Variants in ATP8A1 observed in about 807,000 individuals in gnomAD.
ATP8A1 encodes the protein ATPase phospholipid transporting 8A1.
Under a neutral mutation model 177.7 loss-of-function variants are expected in ATP8A1, and 90 were observed. That is an observed-to-expected ratio of 0.51 (90% CI 0.43 to 0.60). The LOEUF (loss-of-function observed/expected upper bound fraction) is 0.60. ATP8A1 is among the 20% of genes least tolerant of loss of function. ATP8A1 has a pLI of 0.00. For synonymous variants in ATP8A1, 493 were observed against 485.9 expected, an observed-to-expected ratio of 1.01 and a Z score of -0.19; for missense variants, 1,072 against 1,392.8, an observed-to-expected ratio of 0.77 and a Z score of 3.67.
intron 12 of ATP8A1, among the ~76,000 whole-genome samples, chr4:42,577,548 A>G (rs1577628375): frequency 6.6e-6 from 1 of 152,330 alleles, no homozygotes; most frequent in African/African-American, 2.4e-5. Context: ...TCAAAATAAA[A>G]GAAAAATTAA....
chr4:42,486,792 C>G (rs1031051940), intron 24 of ATP8A1, among the ~76,000 whole-genome samples: 1 of 152,172 alleles, frequency 6.6e-6, no homozygotes, highest in Non-Finnish European at 1.5e-5. Context: ...TTACAACCGC[C>G]TACAGTATTC....
rs137923120 is a variant in ATP8A1 at position 42,461,555 on chromosome 4, G to A, written c.2619+3135C>T. On this transcript the variant is annotated intron_variant, in intron 27 of 36. Transcript: ENST00000381668. ...CCTTGCCTTCCATCATGATTGTGAG[G>A]CATCCCCAGCCATGTGGAACTGTAA... Among the ~76,000 whole-genome samples the A allele has an allele frequency of 3.3e-5, 5 of 152,258 alleles. No individual in the cohort carries two copies. The East Asian group carries it at 9.6e-4, about 29-fold the overall frequency.
At chr4:42,643,185 T>C (rs1327216738) in intron 1 of ATP8A1, among the ~76,000 whole-genome samples, 3 of 152,142 alleles carry the variant, frequency 2.0e-5, no homozygotes, top group Non-Finnish European at 4.4e-5. Context: ...ATACCTAAAA[T>C]TCATAGCAAT....
intron 5 of ATP8A1, among the ~76,000 whole-genome samples, chr4:42,615,302 TATAAAA>T (rs1264772720): frequency 2.6e-5 from 4 of 152,130 alleles, no homozygotes; most frequent in Non-Finnish European, 5.9e-5. Flanking sequence ...ATATCAGCAG[TATAAAA>T]ATAGTCTTCC....
At chr4:42,562,645 T>C (rs1730955253) in intron 15 of ATP8A1, among the ~76,000 whole-genome samples, 1 of 152,224 alleles carries the variant, frequency 6.6e-6, no homozygotes, top group Non-Finnish European at 1.5e-5. Context: ...TTTGGCTGTG[T>C]TCCCACCCAA....
At chr4:42,416,092 G>A (rs1217079385) in intron 35 of ATP8A1, among the ~76,000 whole-genome samples, 1 of 152,174 alleles carries the variant, frequency 6.6e-6, no homozygotes, top group East Asian at 1.9e-4. Flanking sequence ...AAACAGATAT[G>A]AGAAATGAGA....
intron 22 of ATP8A1, among the ~76,000 whole-genome samples, chr4:42,518,712 G>A (rs1345637111): frequency 2.0e-5 from 3 of 152,140 alleles, no homozygotes; most frequent in African/African-American, 7.2e-5. Context: ...TATGGTCTAC[G>A]TAAAAATAGA....
chr4:42,459,935 G>A (rs1718916547), intron 27 of ATP8A1, among the ~76,000 whole-genome samples: 1 of 152,044 alleles, frequency 6.6e-6, no homozygotes, highest in Non-Finnish European at 1.5e-5. Flanking sequence ...GGGACTACAG[G>A]CGCCTGCCAC....
chr4:42,570,318 TTGTGGG>T, intron 14 of ATP8A1, among the ~76,000 whole-genome samples: 1 of 152,310 alleles, frequency 6.6e-6, no homozygotes, highest in East Asian at 1.9e-4. Context: ...ATCAAGCCCT[TTGTGGG>T]CTGGACTCCA....
intron 33 of ATP8A1, among the ~76,000 whole-genome samples, chr4:42,435,426 C>CAAAAAAAAAAAAAAAAAAAAAAAA (rs55945370): frequency 1.1e-5 from 1 of 93,988 alleles, no homozygotes; most frequent in African/African-American, 3.7e-5. Context: ...GACTTCATCT[C>CAAAAAAAAAAAAAAAAAAAAAAAA]AAAAAAAAAA....
intron 20 of ATP8A1, among the ~76,000 whole-genome samples, chr4:42,537,128 G>A (rs1304237632): frequency 7.3e-4 from 97 of 133,476 alleles, no homozygotes; most frequent in Non-Finnish European, 1.2e-3. Flanking sequence ...GCGAAACTCC[G>A]TCTCAAAAAA....
chr4:42,432,268 A>G (rs2153171048), intron 33 of ATP8A1, among the ~76,000 whole-genome samples: 1 of 152,274 alleles, frequency 6.6e-6, no homozygotes, highest in Middle Eastern at 3.4e-3. Flanking sequence ...TACAGCAAAG[A>G]TACTCTAGAG....
At chr4:42,419,940 T>G (rs1713683369) in intron 35 of ATP8A1, among the ~76,000 whole-genome samples, 1 of 151,946 alleles carries the variant, frequency 6.6e-6, no homozygotes, top group Admixed American at 6.6e-5. Context: ...GAGGCAGAGG[T>G]TGCAGTGAGC....
chr4:42,523,602 A>G (rs1726367423), intron 21 of ATP8A1, among the ~76,000 whole-genome samples: 2 of 152,262 alleles, frequency 1.3e-5, no homozygotes, highest in South Asian at 4.2e-4. Context: ...GAGAAGTGTC[A>G]TCCAGCCCAG....
At chr4:42,479,980 T>C (rs2153187827) in intron 25 of ATP8A1, among the ~76,000 whole-genome samples, 1 of 137,030 alleles carries the variant, frequency 7.3e-6, no homozygotes, top group Non-Finnish European at 1.6e-5. Flanking sequence ...TAGAATTATG[T>C]AATCTGCAGT....
At chr4:42,448,401 C>CTTTTTTTTTTTTTTTT (rs1226963744) in intron 30 of ATP8A1, among the ~76,000 whole-genome samples, 3,432 of 98,960 alleles carry the variant, frequency 0.035, 36 homozygotes, top group East Asian at 0.052. Context: ...TCTTTCTTTT[C>CTTTTTTTTTTTTTTTT]TTTTTTTTTT....
At chr4:42,599,858 C>G (rs1480425467) in intron 6 of ATP8A1, among the ~76,000 whole-genome samples, 1 of 152,184 alleles carries the variant, frequency 6.6e-6, no homozygotes, top group African/African-American at 2.4e-5. Flanking sequence ...TTTAAACCTT[C>G]TTCCAGAACT....
chr4:42,470,878 A>G (rs980539988), intron 25 of ATP8A1, among the ~76,000 whole-genome samples: 4 of 152,198 alleles, frequency 2.6e-5, no homozygotes, highest in Admixed American at 1.3e-4. Flanking sequence ...TTTCTTTGCA[A>G]CAAACTTCCT....
rs1217769665 is a variant in ATP8A1 at position 42,416,712 on chromosome 4, T to C, written c.3306-1994A>G. On this transcript the variant is annotated intron_variant, in intron 35 of 36. Coordinates refer to ENST00000381668, the MANE Select transcript of ATP8A1 (RefSeq NM_006095.2). ...AAGCTTTTCTCTGTCATCTCCTATATATCAGGAGGGCAGTACTTAACTCTC... is the reference window on the plus strand; with the variant it reads ...AAGCTTTTCTCTGTCATCTCCTATACATCAGGAGGGCAGTACTTAACTCTC... 2.6e-5 allele frequency among the ~76,000 whole-genome samples: 4 copies of C among 152,212 alleles called. No individual in the cohort carries two copies. In the East Asian group the frequency reaches 5.8e-4, roughly 22 times the overall value.
Sources: gnomAD v4.1 joint callset for allele counts (sites outside exome capture counted in the v4.1 genomes callset) on GRCh38, gnomAD v4.1.1 for gene constraint, MANE v1.5 for transcripts, NCBI Gene and HGNC (gene_info 2026-07-23, HGNC 2026-07-21) for gene names.